The following PPARGC1A variants were observed in gnomAD, a reference collection of about 807,000 sequenced individuals.
PPARGC1A encodes the protein PPARG coactivator 1 alpha, also known as peroxisome proliferator-activated receptor gamma coactivator 1-alpha.
In PPARGC1A, 25 loss-of-function variants were observed where a neutral mutation model predicts 88.7. That is an observed-to-expected ratio of 0.28 (90% CI 0.21 to 0.39). PPARGC1A has a LOEUF of 0.39. PPARGC1A is among the 10% of genes least tolerant of loss of function. The probability of loss-of-function intolerance (pLI) is 1.00; values close to 1 mark genes in which losing one functional copy is unlikely to be tolerated. For synonymous variants in PPARGC1A, 363 were observed against 355.6 expected (o/e 1.02, Z -0.24); for missense variants, 880 against 968.7 (o/e 0.91, Z 1.22).
At chr4:24,065,692 C>T in the PPARGC1A span, among the ~76,000 whole-genome samples, 2 of 152,134 alleles carry the variant, frequency 1.3e-5, no homozygotes, top group Non-Finnish European at 2.9e-5. Context: ...CCTCTGTATG[C>T]TTTAACTCCT....
the PPARGC1A span, among the ~76,000 whole-genome samples, chr4:23,928,771 A>AAC: frequency 8.5e-4 from 2 of 2,344 alleles, no homozygotes; most frequent in Non-Finnish European, 2.5e-3. Context: ...CAAAAAAAAC[A>AAC]AAAAAAAACA....
the PPARGC1A span, among the ~76,000 whole-genome samples, chr4:23,938,415 AT>A: frequency 6.6e-6 from 1 of 152,216 alleles, no homozygotes; most frequent in African/African-American, 2.4e-5. Flanking sequence ...TGCACTTATA[AT>A]ACATGTCATA....
chr4:23,895,587 A>G (rs192186418), intron 1 of PPARGC1A, among the ~76,000 whole-genome samples: 4 of 152,200 alleles, frequency 2.6e-5, no homozygotes, highest in East Asian at 1.9e-4. Context: ...TGCTAGCCCA[A>G]TTAGACACAA....
chr4:23,859,509 C>T (rs187772039), intron 2 of PPARGC1A, among the ~76,000 whole-genome samples: 11 of 152,226 alleles, frequency 7.2e-5, no homozygotes, highest in South Asian at 6.2e-4. Context: ...TGTAACACCA[C>T]GGTGGCTCAC....
At chr4:24,099,287 CAAAAAAAA>C in the PPARGC1A span, among the ~76,000 whole-genome samples, 3 of 66,986 alleles carry the variant, frequency 4.5e-5, no homozygotes, top group African/African-American at 1.4e-4. Flanking sequence ...CTCCCTCCTG[CAAAAAAAA>C]AAAAAAAAAA....
chr4:24,090,199 C>G, the PPARGC1A span, among the ~76,000 whole-genome samples: 1 of 152,084 alleles, frequency 6.6e-6, no homozygotes, highest in African/African-American at 2.4e-5. Flanking sequence ...ATTAACATAC[C>G]ATAAAATATT....
At chr4:24,070,448 T>C in the PPARGC1A span, among the ~76,000 whole-genome samples, 1 of 152,110 alleles carries the variant, frequency 6.6e-6, no homozygotes, top group South Asian at 2.1e-4. Flanking sequence ...GAATGCTTGG[T>C]AGATCAGGAA....
At chr4:23,989,489 G>A in the PPARGC1A span, among the ~76,000 whole-genome samples, 702 of 152,086 alleles carry the variant, frequency 4.6e-3, 7 homozygotes, top group African/African-American at 0.016. Context: ...GGGGAGAGAG[G>A]AAGAGGGGCA....
the PPARGC1A span, among the ~76,000 whole-genome samples, chr4:24,417,853 T>A: frequency 6.6e-6 from 1 of 152,104 alleles, no homozygotes; most frequent in Non-Finnish European, 1.5e-5. Flanking sequence ...CATATTTCAT[T>A]TTGCTCATCT....
At chr4:24,416,364 C>T in the PPARGC1A span, among the ~76,000 whole-genome samples, 2 of 152,132 alleles carry the variant, frequency 1.3e-5, no homozygotes, top group African/African-American at 4.8e-5. Context: ...ATGTGCCAAG[C>T]CTGTGCAAAA....
chr4:23,963,192 A>G, the PPARGC1A span, among the ~76,000 whole-genome samples: 1 of 152,180 alleles, frequency 6.6e-6, no homozygotes, highest in Non-Finnish European at 1.5e-5. Flanking sequence ...CATTAAACCT[A>G]GAAGATCTTT....
the PPARGC1A span, among the ~76,000 whole-genome samples, chr4:24,347,465 G>A: frequency 6.6e-6 from 1 of 152,132 alleles, no homozygotes; most frequent in Non-Finnish European, 1.5e-5. Flanking sequence ...TTTTAGGATT[G>A]TGACATTTTC....
chr4:23,909,423 A>G, the PPARGC1A span, among the ~76,000 whole-genome samples: 1 of 152,150 alleles, frequency 6.6e-6, no homozygotes, highest in East Asian at 1.9e-4. Flanking sequence ...ATGCCAATGT[A>G]CAGATATAGG....
chr4:24,281,016 T>G, the PPARGC1A span, among the ~76,000 whole-genome samples: 2 of 152,222 alleles, frequency 1.3e-5, no homozygotes, highest in African/African-American at 4.8e-5. Flanking sequence ...ATGAGTGGGC[T>G]GTCAGGCAGC....
the PPARGC1A span, among the ~76,000 whole-genome samples, chr4:24,316,564 A>G: frequency 3.3e-5 from 5 of 152,326 alleles, no homozygotes; most frequent in Admixed American, 2.6e-4. Flanking sequence ...CTTTATAATC[A>G]TATTTTTAAA....
chr4:24,190,184 C>A, the PPARGC1A span, among the ~76,000 whole-genome samples: 3 of 152,036 alleles, frequency 2.0e-5, no homozygotes, highest in South Asian at 6.2e-4. Context: ...CCAACTCCAC[C>A]CATGGATACA....
chr4:24,312,951 CTTA>C, the PPARGC1A span, among the ~76,000 whole-genome samples: 1 of 151,868 alleles, frequency 6.6e-6, no homozygotes, highest in South Asian at 2.1e-4. Context: ...AGTTCAGAAG[CTTA>C]TTGAGACCAA....
chr4:24,335,079 G>A, the PPARGC1A span, among the ~76,000 whole-genome samples: 622 of 152,230 alleles, frequency 4.1e-3, 25 homozygotes, highest in East Asian at 0.099. Context: ...AACAACTATC[G>A]CATTCGGAGG....
the PPARGC1A span, among the ~76,000 whole-genome samples, chr4:24,349,813 C>A: frequency 6.6e-6 from 1 of 152,186 alleles, no homozygotes; most frequent in Non-Finnish European, 1.5e-5. Context: ...CAAGTTCTGG[C>A]CAGGAGGTTT....
Sources: allele counts gnomAD v4.1 joint callset (sites outside exome capture counted in the v4.1 genomes callset), GRCh38; gene constraint gnomAD v4.1.1; transcripts MANE v1.5; gene names NCBI Gene and HGNC (gene_info 2026-07-23, HGNC 2026-07-21).